Variants in ZMYM2 observed in about 807,000 individuals in gnomAD.
The protein encoded by ZMYM2 is zinc finger MYM-type protein 2.
ZMYM2 carries 56 observed loss-of-function variants against 162.8 expected under a neutral mutation model. The observed-to-expected ratio is 0.34, with a 90% CI of 0.28 to 0.43. ZMYM2 has a LOEUF of 0.43. Among genes scored for constraint, ZMYM2 ranks in the 20% least tolerant of loss-of-function variants. ZMYM2 has a pLI of 1.00. For missense variants in ZMYM2, 1,275 were observed against 1,621.8 expected (o/e 0.79, Z 3.67); for synonymous variants, 510 against 541.6 (o/e 0.94, Z 0.81).
chr13:19,915,936 T>C, the ZMYM2 span, among the ~76,000 whole-genome samples: 7 of 150,200 alleles, frequency 4.7e-5, no homozygotes, highest in African/African-American at 1.5e-4. Flanking sequence ...CTCGGCTCAC[T>C]GCAAGCTCCG....
chr13:19,921,901 C>T, the ZMYM2 span, among the ~76,000 whole-genome samples: 1 of 134,244 alleles, frequency 7.4e-6, no homozygotes, highest in Non-Finnish European at 1.6e-5. Context: ...TGATGAGCAG[C>T]AGTTACAAGT....
At position 20,086,220 on chromosome 13, in the gene ZMYM2, T is replaced by C. The variant is rs1958258819; in HGVS notation, c.*206T>C. 1 of 387,640 alleles carries C rather than the reference T, an allele frequency of 2.6e-6. No individual in the cohort carries two copies. The highest frequency in any genetic ancestry group is 8.3e-5 in the South Asian group (1 of 12,102). The allele number at this position is 387,640 out of a possible 1,614,324, so 24.0% of individuals were successfully genotyped here. On this transcript the variant is annotated 3_prime_UTR_variant, in exon 25 of 25. Coordinates refer to ENST00000610343, the MANE Select transcript of ZMYM2 (RefSeq NM_197968.4). ...GGTTTTAGGATACTTAACAAATACA[T>C]TCAAATTCTTTTTTTATTATTATTT... is the stretch of plus-strand genomic sequence containing the variant.
the ZMYM2 span, among the ~76,000 whole-genome samples, chr13:19,901,815 A>G: frequency 6.6e-6 from 1 of 151,978 alleles, no homozygotes; most frequent in Non-Finnish European, 1.5e-5. Context: ...CAATCTGCTC[A>G]CTGTGCTCAT....
intron 12 of ZMYM2, among the ~76,000 whole-genome samples, chr13:20,044,313 G>A (rs1027924710): frequency 6.6e-6 from 1 of 152,186 alleles, no homozygotes; most frequent in African/African-American, 2.4e-5. Context: ...AGAGGCCTGT[G>A]CCCAGAGCAG....
At chr13:20,006,009 A>G (rs1950712969) in intron 5 of ZMYM2, among the ~76,000 whole-genome samples, 1 of 152,130 alleles carries the variant, frequency 6.6e-6, no homozygotes, top group Non-Finnish European at 1.5e-5. Context: ...AGGTGGGAGG[A>G]TCACTTGAGG....
At chr13:19,944,537 G>A in the ZMYM2 span, among the ~76,000 whole-genome samples, 1 of 152,196 alleles carries the variant, frequency 6.6e-6, no homozygotes, top group Non-Finnish European at 1.5e-5. Context: ...GATGTTTCTG[G>A]AAAATGTTAG....
intron 19 of ZMYM2, among the ~76,000 whole-genome samples, chr13:20,065,915 G>C (rs1956638705): frequency 6.6e-6 from 1 of 152,156 alleles, no homozygotes; most frequent in African/African-American, 2.4e-5. Flanking sequence ...AAGTACTTAA[G>C]TGTCACTCTC....
chr13:20,009,248 T>C (rs2140019287), intron 6 of ZMYM2, among the ~76,000 whole-genome samples: 1 of 152,196 alleles, frequency 6.6e-6, no homozygotes, highest in South Asian at 2.1e-4. Flanking sequence ...ATAGATGAAA[T>C]AGAGATAATT....
intron 2 of ZMYM2, among the ~76,000 whole-genome samples, chr13:19,971,265 T>A (rs1334733899): frequency 0.027 from 1,643 of 61,444 alleles, 19 homozygotes; most frequent in African/African-American, 0.047. Context: ...TATATATATT[T>A]TTTTTTTTTT....
At chr13:19,994,041 T>C (rs564399233) in intron 3 of ZMYM2, 122 bp downstream of exon 3, 1 of 1,162,660 alleles carries the variant, frequency 8.6e-7, no homozygotes, top group African/African-American at 1.5e-5. Context: ...GTGAATTATA[T>C]TGAATTTTAT....
intron 21 of ZMYM2, among the ~76,000 whole-genome samples, chr13:20,074,602 G>C (rs908055343): frequency 1.4e-5 from 2 of 148,114 alleles, no homozygotes; most frequent in East Asian, 4.0e-4. Flanking sequence ...GCAGTGGCGC[G>C]ATCTCAGCTC....
In ZMYM2 at chr13:20,011,573, G is replaced by GTTTTTTTT. The variant is rs764404253; in HGVS notation, c.1512+4991_1512+4992insTTTTTTTT. On this transcript the variant is annotated intron_variant, in intron 6 of 24. Coordinates refer to ENST00000610343, the MANE Select transcript of ZMYM2 (RefSeq NM_197968.4). ...GATGTGCAGAAGTTTTTATTTTTTT[G>GTTTTTTTT]TTTTATTTTTTTTTTTTTTGAGGGG... is the stretch of plus-strand genomic sequence containing the variant. 1.2e-4 allele frequency among the ~76,000 whole-genome samples: 18 copies of GTTTTTTTT among 144,242 alleles called. 1 individual carries two copies. The highest frequency in any genetic ancestry group is 3.2e-4 in the African/African-American group (12 of 37,984). The allele number at this position is 144,242 out of a possible 152,430, so 94.6% of individuals were successfully genotyped here.
Position 19,967,843 on chromosome 13 carries a change from A to G in ZMYM2, c.-11+7817A>G, listed in dbSNP as rs373688394. On this transcript the variant is annotated intron_variant, in intron 2 of 24. Transcript: ENST00000610343. ...AACTGTCTGTTTATATGGACCAAACATAATGAATTTGCTGCCACCACCTGG... is the reference window on the plus strand; with the variant it reads ...AACTGTCTGTTTATATGGACCAAACGTAATGAATTTGCTGCCACCACCTGG... 1.1e-3 allele frequency among the ~76,000 whole-genome samples: 172 copies of G among 152,360 alleles called. 1 individual carries two copies. In the Middle Eastern group the frequency reaches 0.017, roughly 15 times the overall value.
chr13:20,086,968 A>G lies in ZMYM2; in HGVS notation c.*954A>G, dbSNP rs895237153. Reference sequence around the variant, plus strand: ...TTTTTCCCTCTTAAGGATACAGATCATGCTGCAATGTTAGCTGTGTAGTAC... The same window carrying G: ...TTTTTCCCTCTTAAGGATACAGATCGTGCTGCAATGTTAGCTGTGTAGTAC... On this transcript the variant is annotated 3_prime_UTR_variant, in exon 25 of 25. Transcript: ENST00000610343. 5 of 181,962 alleles carry G rather than the reference A, an allele frequency of 2.7e-5. No individual in the cohort carries two copies. Among genetic ancestry groups the G allele is most frequent in the African/African-American group, 1.2e-4 (5 of 42,452 alleles). The allele number at this position is 181,962 out of a possible 1,614,324, so 11.3% of individuals were successfully genotyped here.
intron 9 of ZMYM2, among the ~76,000 whole-genome samples, chr13:20,030,144 T>G (rs1001734828): frequency 6.6e-6 from 1 of 152,052 alleles, no homozygotes; most frequent in South Asian, 2.1e-4. Context: ...ATTCCTCTTA[T>G]GAATACCAGT....
At chr13:19,960,249 C>T (rs1407231965) in intron 2 of ZMYM2, among the ~76,000 whole-genome samples, 1 of 152,206 alleles carries the variant, frequency 6.6e-6, no homozygotes, top group African/African-American at 2.4e-5. Flanking sequence ...GCAATACCAA[C>T]CTCAGCAACC....
the ZMYM2 span, among the ~76,000 whole-genome samples, chr13:19,866,246 C>CA: frequency 1.1e-5 from 1 of 90,284 alleles, no homozygotes; most frequent in East Asian, 8.3e-4. Context: ...AAAAAACAAG[C>CA]AAAAAAAGAA....
At chr13:20,084,547 C>T (rs1055786696) in intron 24 of ZMYM2, among the ~76,000 whole-genome samples, 1 of 151,940 alleles carries the variant, frequency 6.6e-6, no homozygotes, top group Admixed American at 6.6e-5. Flanking sequence ...TGCCAATGCC[C>T]GGTGTAAAGG....
chr13:19,967,540 A>G lies in ZMYM2; in HGVS notation c.-11+7514A>G, dbSNP rs534079328. ...TGTGGTGATTGTTGCAGAAGTATAT[A>G]CATTTAATACATTTATCAAATCTTT... On this transcript the variant is annotated intron_variant, in intron 2 of 24. Coordinates refer to ENST00000610343, the MANE Select transcript of ZMYM2 (RefSeq NM_197968.4). Among the ~76,000 whole-genome samples the G allele has an allele frequency of 1.5e-4, 23 of 152,352 alleles. No individual in the cohort carries two copies. The East Asian group carries it at 3.7e-3, about 24-fold the overall frequency.
Sources: gnomAD v4.1 joint callset for allele counts (sites outside exome capture counted in the v4.1 genomes callset) on GRCh38, gnomAD v4.1.1 for gene constraint, MANE v1.5 for transcripts, NCBI Gene and HGNC (gene_info 2026-07-23, HGNC 2026-07-21) for gene names.